PCBP3: variants seen among roughly 807,000 people sequenced by gnomAD.
The protein encoded by PCBP3 is poly(rC) binding protein 3, also known as poly(rC)-binding protein 3.
In PCBP3, 25 loss-of-function variants were observed where a neutral mutation model predicts 52.7. The observed-to-expected ratio is 0.47, with a 90% CI of 0.35 to 0.66. The LOEUF is 0.66. Among genes scored for constraint, PCBP3 ranks in the 30% least tolerant of loss-of-function variants. PCBP3 has a pLI of 0.01. For synonymous variants in PCBP3, 162 were observed against 183.0 expected (o/e 0.89, Z 0.93); for missense variants, 391 against 490.3 (o/e 0.80, Z 1.91).
At chr21:45,884,451 C>G (rs910724926) in intron 5 of PCBP3, among the ~76,000 whole-genome samples, 1 of 152,100 alleles carries the variant, frequency 6.6e-6, no homozygotes. Flanking sequence ...TATATACACA[C>G]ACAAATATAT....
intron 5 of PCBP3, among the ~76,000 whole-genome samples, chr21:45,875,225 C>T (rs748396257): frequency 9.9e-5 from 15 of 151,298 alleles, no homozygotes; most frequent in Admixed American, 2.6e-4. Flanking sequence ...GCTGACTCAC[C>T]GGGCCTGGGG....
At chr21:45,727,659 G>A (rs977152767) in intron 2 of PCBP3, among the ~76,000 whole-genome samples, 6 of 152,172 alleles carry the variant, frequency 3.9e-5, no homozygotes, top group East Asian at 1.9e-4. Context: ...TAGTTGTCTG[G>A]TGCCTGGCCT....
chr21:45,756,026 G>C (rs995077265), intron 4 of PCBP3, among the ~76,000 whole-genome samples: 2 of 152,016 alleles, frequency 1.3e-5, no homozygotes, highest in Admixed American at 1.3e-4. Flanking sequence ...ATTATCTCCT[G>C]TTTTCTCCTA....
chr21:45,719,243 A>C (rs2084444797), intron 2 of PCBP3, among the ~76,000 whole-genome samples: 1 of 152,120 alleles, frequency 6.6e-6, no homozygotes, highest in Non-Finnish European at 1.5e-5. Flanking sequence ...GGGGCTTCTC[A>C]GTGGATGCGA....
intron 4 of PCBP3, among the ~76,000 whole-genome samples, chr21:45,839,681 GTGT>G (rs767016863): frequency 9.2e-5 from 14 of 152,112 alleles, no homozygotes; most frequent in Middle Eastern, 3.2e-3. Context: ...TTATGTCTTA[GTGT>G]TGTTGTTGTT....
chr21:45,932,429 C>CCG, intron 15 of PCBP3, among the ~76,000 whole-genome samples: 1 of 147,094 alleles, frequency 6.8e-6, no homozygotes, highest in South Asian at 2.2e-4. Flanking sequence ...ATGAACACAT[C>CCG]GGCCATGCTG....
At chr21:45,872,761 C>T (rs2095085253) in intron 5 of PCBP3, 1 of 152,214 alleles carries the variant, frequency 6.6e-6, no homozygotes. Flanking sequence ...GCGTGGTAAA[C>T]ATTCTATCAG....
rs1188530088 is a variant in PCBP3, at chr21:45,763,527, GA to G, written c.-126+8077del. On this transcript the variant is annotated intron_variant, in intron 4 of 17. Transcript: ENST00000681687. The stretch of plus-strand genomic sequence containing the variant: ...AGAGGAGCATCCTCAGGAGAAACAG[GA>G]AGAGGCAAAGTTCACTGCAAAGTTT... The G allele has an allele frequency of 8.5e-5, 13 of 152,406 alleles. No individual in the cohort carries two copies. The East Asian group carries it at 2.5e-3, about 29-fold the overall frequency. 9.4% of individuals were successfully genotyped at this position (152,406 alleles called of 1,614,324 possible).
chr21:45,875,821 T>C (rs1440144145), intron 5 of PCBP3, among the ~76,000 whole-genome samples: 1 of 152,210 alleles, frequency 6.6e-6, no homozygotes, highest in Non-Finnish European at 1.5e-5. Context: ...TTCTGGATCT[T>C]TCACCTATAT....
chr21:45,913,507 C>T (rs2096443519), intron 11 of PCBP3, among the ~76,000 whole-genome samples: 1 of 152,160 alleles, frequency 6.6e-6, no homozygotes, highest in Admixed American at 6.5e-5. Flanking sequence ...CTGCGCATCC[C>T]AGGAGGGGCC....
chr21:45,759,912 A>G (rs1174139249), intron 4 of PCBP3: 2 of 152,220 alleles, frequency 1.3e-5, no homozygotes, highest in African/African-American at 4.8e-5. Context: ...AAGAAGCAAC[A>G]TTAAGGCTGA....
At chr21:45,852,745 G>A (rs796108659) in intron 5 of PCBP3, among the ~76,000 whole-genome samples, 461 of 112,392 alleles carry the variant, frequency 4.1e-3, no homozygotes, top group Non-Finnish European at 7.7e-3. Context: ...TGCAGCCACC[G>A]TGACTTTTGT....
At chr21:45,701,378 T>G (rs138612239) in intron 2 of PCBP3, among the ~76,000 whole-genome samples, 2,108 of 152,306 alleles carry the variant, frequency 0.014, 20 homozygotes, top group Middle Eastern at 0.041. Flanking sequence ...ACTAGGCCAG[T>G]GGGCTCTCAA....
intron 2 of PCBP3, among the ~76,000 whole-genome samples, chr21:45,686,671 A>G (rs1038605672): frequency 2.6e-5 from 4 of 152,224 alleles, no homozygotes; most frequent in African/African-American, 9.6e-5. Flanking sequence ...AAGTACTTAA[A>G]GGGCAACATG....
intron 4 of PCBP3, among the ~76,000 whole-genome samples, chr21:45,806,178 G>A (rs1394399991): frequency 1.3e-5 from 2 of 152,260 alleles, no homozygotes; most frequent in African/African-American, 4.8e-5. Flanking sequence ...CAGAATCGCA[G>A]AATCACCCTC....
Position 45,853,189 on chromosome 21 carries a change from G to A in PCBP3, c.10+3094G>A, listed in dbSNP as rs1394774201. Among the ~76,000 whole-genome samples, 1 of 152,186 alleles carries A rather than the reference G, an allele frequency of 6.6e-6. No individual in the cohort carries two copies. Among genetic ancestry groups the A allele is most frequent in the Non-Finnish European group, 1.5e-5 (1 of 68,034 alleles). On this transcript the variant is annotated intron_variant, in intron 5 of 17. Coordinates refer to ENST00000681687, the MANE Select transcript of PCBP3 (RefSeq NM_001384156.1). The surrounding 1 kb of genome is among the most constrained non-coding windows in gnomAD (Gnocchi z 4.6). The stretch of plus-strand genomic sequence containing the variant: ...TCTCTGTGGTGACAAAATCTCCACG[G>A]GTTCATGGAGACAGATGCACACAGC...
rs1313080270 is a variant in PCBP3, at chr21:45,928,569, C to T, written c.718-1348C>T. On this transcript the variant is annotated intron_variant, in intron 13 of 17. Transcript: ENST00000681687. This position sits in a 1 kb window ranked among gnomAD's most constrained non-coding sequence, Gnocchi z 4.1. ...CAGTCGCCGCATTCCTGACTGTGCT[C>T]CCTGGTGTCAGGGAACCCAGGTGCC... Among the ~76,000 whole-genome samples, 1 of 152,196 alleles carries T rather than the reference C, an allele frequency of 6.6e-6. No homozygotes were observed. Among genetic ancestry groups the T allele is most frequent in the Non-Finnish European group, 1.5e-5 (1 of 68,030 alleles).
chr21:45,821,912 G>A lies in PCBP3; in HGVS notation c.-125-28049G>A, dbSNP rs927289856. Among the ~76,000 whole-genome samples the A allele has an allele frequency of 6.6e-6, 1 of 152,130 alleles. No homozygotes were observed. The highest frequency in any genetic ancestry group is 2.4e-5 in the African/African-American group (1 of 41,422). On this transcript the variant is annotated intron_variant, in intron 4 of 17. Coordinates refer to ENST00000681687, the MANE Select transcript of PCBP3 (RefSeq NM_001384156.1). This position sits in a 1 kb window ranked among gnomAD's most constrained non-coding sequence, Gnocchi z 4.4. ...TCCTCCTTAGGGTGCATTGTCACTCGGCGTTTCCGACACCTGCTCTCATCA... is the reference window on the plus strand; with the variant it reads ...TCCTCCTTAGGGTGCATTGTCACTCAGCGTTTCCGACACCTGCTCTCATCA...
intron 4 of PCBP3, among the ~76,000 whole-genome samples, chr21:45,769,555 G>A (rs1011757878): frequency 2.6e-5 from 4 of 152,260 alleles, no homozygotes; most frequent in Non-Finnish European, 5.9e-5. Context: ...TATCCAGGCC[G>A]GTCTTGTGTT....
Sources: gnomAD v4.1 joint callset for allele counts (sites outside exome capture counted in the v4.1 genomes callset) on GRCh38, gnomAD v4.1.1 for gene constraint, Gnocchi (gnomAD v3.1) non-coding constraint, MANE v1.5 for transcripts, NCBI Gene and HGNC (gene_info 2026-07-23, HGNC 2026-07-21) for gene names.